PAX5: variants seen among roughly 807,000 people sequenced by gnomAD.
PAX5 encodes the protein paired box 5.
A neutral mutation model predicts 43.7 loss-of-function variants in PAX5; 9 were observed. That is an observed-to-expected ratio of 0.21 (90% CI 0.12 to 0.36). PAX5 has a LOEUF of 0.36. Ranked by LOEUF, PAX5 falls within the 10% of genes least tolerant of loss-of-function variation. The probability of loss-of-function intolerance (pLI) is 1.00; values close to 1 mark genes in which losing one functional copy is unlikely to be tolerated. For synonymous variants in PAX5, 228 were observed against 214.3 expected (o/e 1.06, Z -0.56); for missense variants, 383 against 532.7 (o/e 0.72, Z 2.77).
intron 7 of PAX5, among the ~76,000 whole-genome samples, chr9:36,901,229 C>T (rs1828363853): frequency 6.6e-6 from 1 of 151,332 alleles, no homozygotes; most frequent in Admixed American, 6.6e-5. Context: ...GGACCTGGGC[C>T]CTCCCTCATC....
intron 7 of PAX5, among the ~76,000 whole-genome samples, chr9:36,898,466 C>G (rs1411622274): frequency 6.6e-6 from 1 of 152,152 alleles, no homozygotes; most frequent in Non-Finnish European, 1.5e-5. Flanking sequence ...TCTCCGGGCC[C>G]CAGAACCCCA....
chr9:36,855,145 C>A (rs1252011161), intron 8 of PAX5, among the ~76,000 whole-genome samples: 1 of 152,250 alleles, frequency 6.6e-6, no homozygotes, highest in Non-Finnish European at 1.5e-5. Flanking sequence ...GGTGCCTCTG[C>A]CACAGGGCAC....
At chr9:36,896,227 G>C (rs1028786783) in intron 7 of PAX5, among the ~76,000 whole-genome samples, 1 of 152,028 alleles carries the variant, frequency 6.6e-6, no homozygotes, top group Non-Finnish European at 1.5e-5. Context: ...TCTTGTAAAG[G>C]GACTGAGGCC....
At chr9:36,967,033 A>T (rs1448933625) in intron 5 of PAX5, among the ~76,000 whole-genome samples, 1 of 152,188 alleles carries the variant, frequency 6.6e-6, no homozygotes, top group Non-Finnish European at 1.5e-5. Context: ...GAAGACTGAG[A>T]CCTAGAGAGA....
rs569000865 is a variant in PAX5, at chr9:36,842,117, C to T, written c.1100-1481G>A. Among the ~76,000 whole-genome samples, 5 of 152,300 alleles carry T rather than the reference C, an allele frequency of 3.3e-5. No homozygotes were observed. In the South Asian group the frequency reaches 8.3e-4, roughly 25 times the overall value. On this transcript the variant is annotated intron_variant, in intron 9 of 9. Coordinates refer to ENST00000358127, the MANE Select transcript of PAX5 (RefSeq NM_016734.3). ...TTCCAGACAGCACAAACACCAACCCCGTGCCTAAGTATTCCCTGAGATGGG... is the reference window on the plus strand; with the variant it reads ...TTCCAGACAGCACAAACACCAACCCTGTGCCTAAGTATTCCCTGAGATGGG...
intron 6 of PAX5, among the ~76,000 whole-genome samples, chr9:36,931,095 T>A (rs1170162812): frequency 6.6e-6 from 1 of 152,140 alleles, no homozygotes; most frequent in Non-Finnish European, 1.5e-5. Context: ...TGGGCTCCTG[T>A]AGGCTCACCG....
intron 7 of PAX5, among the ~76,000 whole-genome samples, chr9:36,893,972 A>G (rs1827634552): frequency 6.6e-6 from 1 of 152,192 alleles, no homozygotes; most frequent in Non-Finnish European, 1.5e-5. Context: ...AGAGAGCCCA[A>G]CTGTCCATCT....
At chr9:36,974,725 G>A (rs1023849051) in intron 5 of PAX5, among the ~76,000 whole-genome samples, 1 of 152,114 alleles carries the variant, frequency 6.6e-6, no homozygotes, top group Non-Finnish European at 1.5e-5. Flanking sequence ...ACTTTAACAC[G>A]GCACCTGGCA....
intron 7 of PAX5, among the ~76,000 whole-genome samples, chr9:36,914,202 A>G (rs1829547091): frequency 2.0e-5 from 3 of 152,248 alleles, no homozygotes; most frequent in Admixed American, 1.3e-4. Flanking sequence ...AAATCCGTTT[A>G]CAAGTATTTG....
At chr9:36,889,332 G>A (rs1827173173) in intron 7 of PAX5, among the ~76,000 whole-genome samples, 1 of 152,216 alleles carries the variant, frequency 6.6e-6, no homozygotes, top group Non-Finnish European at 1.5e-5. Flanking sequence ...TTGCACGGCT[G>A]ATAATAATAA....
chr9:36,878,709 G>T (rs757739642), intron 8 of PAX5, among the ~76,000 whole-genome samples: 1 of 152,220 alleles, frequency 6.6e-6, no homozygotes, highest in East Asian at 1.9e-4. Flanking sequence ...TCTGTTCTGT[G>T]GGACAGTGCC....
intron 1 of PAX5, among the ~76,000 whole-genome samples, chr9:37,026,354 C>T (rs1325468237): frequency 6.6e-6 from 1 of 152,270 alleles, no homozygotes; most frequent in Non-Finnish European, 1.5e-5. Flanking sequence ...GGTGCCTCAG[C>T]CCGGGCGGCC....
intron 7 of PAX5, among the ~76,000 whole-genome samples, chr9:36,911,319 C>T (rs1829265015): frequency 6.7e-6 from 1 of 148,586 alleles, no homozygotes; most frequent in South Asian, 2.2e-4. Context: ...TTCCAATGCA[C>T]AAAACAACTT....
chr9:36,915,521 G>A (rs148924967), intron 7 of PAX5, among the ~76,000 whole-genome samples: 268 of 151,896 alleles, frequency 1.8e-3, no homozygotes, highest in South Asian at 0.014. Context: ...TGAATGAAAC[G>A]TTAAGAAAAA....
chr9:36,998,213 G>A (rs1316140081), intron 5 of PAX5, among the ~76,000 whole-genome samples: 1 of 152,214 alleles, frequency 6.6e-6, no homozygotes, highest in African/African-American at 2.4e-5. Context: ...CTGAAGAACA[G>A]TTCATCTGAG....
chr9:36,900,037 T>C (rs184596889), intron 7 of PAX5, among the ~76,000 whole-genome samples: 3 of 152,348 alleles, frequency 2.0e-5, no homozygotes, highest in Admixed American at 2.0e-4. Flanking sequence ...TCCAGCCTTG[T>C]TACCTTGGAT....
intron 5 of PAX5, among the ~76,000 whole-genome samples, chr9:36,999,905 G>A (rs997973009): frequency 6.6e-6 from 1 of 151,896 alleles, no homozygotes; most frequent in Non-Finnish European, 1.5e-5. Flanking sequence ...TCCCCATACT[G>A]GCCCCAGGCT....
At chr9:36,924,625 C>T (rs959222161) in intron 6 of PAX5, among the ~76,000 whole-genome samples, 6 of 150,810 alleles carry the variant, frequency 4.0e-5, no homozygotes, top group Admixed American at 6.6e-5. Context: ...GAAGCTGAGG[C>T]GGGAAGATCG....
intron 6 of PAX5, among the ~76,000 whole-genome samples, chr9:36,935,747 G>T (rs1288225918): frequency 6.6e-6 from 1 of 152,176 alleles, no homozygotes. Flanking sequence ...CCACCAAATG[G>T]GTATCTCCAG....
Sources: gnomAD v4.1 joint callset for allele counts (sites outside exome capture counted in the v4.1 genomes callset) on GRCh38, gnomAD v4.1.1 for gene constraint, MANE v1.5 for transcripts, NCBI Gene and HGNC (gene_info 2026-07-23, HGNC 2026-07-21) for gene names.